OGDH: variants seen among roughly 807,000 people sequenced by gnomAD.
OGDH encodes oxoglutarate dehydrogenase, also known as 2-oxoglutarate dehydrogenase complex component E1.
Under a neutral mutation model 116.6 loss-of-function variants are expected in OGDH, and 38 were observed. The observed-to-expected ratio is 0.33, with a 90% CI of 0.25 to 0.43. The LOEUF is 0.43. Ranked by LOEUF, OGDH falls within the 20% of genes least tolerant of loss-of-function variation. The pLI is 1.00. For missense variants in OGDH, 825 were observed against 1,357.2 expected, an observed-to-expected ratio of 0.61 and a Z score of 6.16; for synonymous variants, 488 against 533.3, an observed-to-expected ratio of 0.92 and a Z score of 1.17.
chr7:44,694,717 T>C lies in OGDH; in HGVS notation c.1668+141T>C. On this transcript the variant is annotated intron_variant, in intron 12 of 22. Coordinates refer to ENST00000222673, the MANE Select transcript of OGDH (RefSeq NM_002541.4). This position sits in a 1 kb window ranked among gnomAD's most constrained non-coding sequence, Gnocchi z 4.2. Reference sequence around the variant, plus strand: ...TGTGAAATATTTACAACTACAGCATTTCAATGCATAACTTTTTGGAGAATC... The same window carrying C: ...TGTGAAATATTTACAACTACAGCATCTCAATGCATAACTTTTTGGAGAATC... 1.1e-6 allele frequency: 1 copy of C among 934,902 alleles called. No homozygotes were observed. Among genetic ancestry groups the C allele is most frequent in the South Asian group, 1.7e-5 (1 of 58,926 alleles). The allele number at this position is 934,902 out of a possible 1,614,324, so 57.9% of individuals were successfully genotyped here.
chr7:44,700,864 A>C (rs1301664387), intron 19 of OGDH, among the ~76,000 whole-genome samples: 1 of 152,100 alleles, frequency 6.6e-6, no homozygotes, highest in African/African-American at 2.4e-5. Flanking sequence ...AAATACAAAA[A>C]AATTAGCCGG....
At chr7:44,657,753 T>C (rs1436504942) in intron 4 of OGDH, among the ~76,000 whole-genome samples, 1 of 152,244 alleles carries the variant, frequency 6.6e-6, no homozygotes, top group African/African-American at 2.4e-5. Flanking sequence ...CTAAAGGTTT[T>C]ATAGTTTTGT....
intron 20 of OGDH, among the ~76,000 whole-genome samples, chr7:44,703,313 CAGG>C (rs776176142): frequency 1.2e-4 from 19 of 152,144 alleles, no homozygotes; most frequent in Admixed American, 3.3e-4. Flanking sequence ...GAGGCTAAGG[CAGG>C]AGAATTGCTT....
intron 14 of OGDH, 109 bp from the exon 15 acceptor site, chr7:44,696,805 A>G: frequency 7.2e-7 from 1 of 1,385,632 alleles, no homozygotes. Context: ...TCAGGAACCC[A>G]GAAACTACGA....
intron 4 of OGDH, among the ~76,000 whole-genome samples, chr7:44,665,072 T>A (rs1787122901): frequency 2.6e-5 from 4 of 152,120 alleles, no homozygotes; most frequent in African/African-American, 9.7e-5. Context: ...CTGGCCTGAG[T>A]TTTTTAGTCA....
intron 1 of OGDH, among the ~76,000 whole-genome samples, chr7:44,613,994 C>T (rs6967052): frequency 0.1 from 15,836 of 151,142 alleles, 1,618 homozygotes; most frequent in East Asian, 0.44. Context: ...TTAGTTGAGA[C>T]GGGGTTTCTC....
At chr7:44,667,967 G>A (rs1040605588) in intron 5 of OGDH, among the ~76,000 whole-genome samples, 8 of 152,128 alleles carry the variant, frequency 5.3e-5, no homozygotes, top group Non-Finnish European at 1.2e-4. Context: ...TTCCTCTCAT[G>A]GCTGGACATT....
chr7:44,705,928 AC>A (rs2116430623), intron 20 of OGDH, among the ~76,000 whole-genome samples: 1 of 152,242 alleles, frequency 6.6e-6, no homozygotes, highest in South Asian at 2.1e-4. Context: ...GTATGTTTGT[AC>A]CATTCAACCC....
Position 44,694,638 on chromosome 7 carries a change from G to A in OGDH, c.1668+62G>A, listed in dbSNP as rs1788501246. On this transcript the variant is annotated intron_variant, in intron 12 of 22. Transcript: ENST00000222673. This position sits in a 1 kb window ranked among gnomAD's most constrained non-coding sequence, Gnocchi z 4.2. ...AGGGCTGGCGATGACTAGAAAAGGT[G>A]GGCCACAGGGCCAGTTCTCACTTTT... The A allele has an allele frequency of 6.3e-7, 1 of 1,583,578 alleles. No homozygotes were observed.
At chr7:44,696,378 C>A in intron 13 of OGDH, 51 bp from the exon 14 acceptor site, 1 of 1,586,396 alleles carries the variant, frequency 6.3e-7, no homozygotes, top group South Asian at 1.2e-5. Flanking sequence ...ATTTTGTGGT[C>A]CCTGGAAAAG....
rs755554782 is a variant in OGDH at position 44,696,959 on chromosome 7, G to A, written c.1946G>A (p.Arg649Gln). The A allele has an allele frequency of 1.4e-5, 22 of 1,614,046 alleles. No homozygotes were observed. Among genetic ancestry groups the A allele is most frequent in the South Asian group, 5.5e-5 (5 of 91,074 alleles). ...LKTRGEMVKNRTVDWALAEYM... is the reference protein window; with the variant it reads ...LKTRGEMVKNQTVDWALAEYM... ...ACTCGTGGGGAAATGGTGAAGAACCGGACTGTGGACTGGGCTCTAGCGGAG... is the reference window on the plus strand; with the variant it reads ...ACTCGTGGGGAAATGGTGAAGAACCAGACTGTGGACTGGGCTCTAGCGGAG... The change falls in exon 15 of 23, where the codon CGG becomes CAG. Residue 649 changes from arginine (R) to glutamine (Q), a missense_variant. Arg to Gln is a conservative substitution (Grantham distance 43). Coordinates refer to ENST00000222673, the MANE Select transcript of OGDH (RefSeq NM_002541.4).
At chr7:44,655,726 A>G (rs567007827) in intron 4 of OGDH, among the ~76,000 whole-genome samples, 2 of 152,328 alleles carry the variant, frequency 1.3e-5, no homozygotes, top group African/African-American at 4.8e-5. Context: ...TTACAGGTAG[A>G]AGGAAGTGTA....
At chr7:44,640,895 GTTT>G (rs555010115) in intron 2 of OGDH, among the ~76,000 whole-genome samples, 3 of 143,358 alleles carry the variant, frequency 2.1e-5, no homozygotes, top group Non-Finnish European at 4.6e-5. Context: ...TTTTTTGTGG[GTTT>G]TTTTTTTTTT....
At chr7:44,649,051 T>C (rs537692299) in intron 4 of OGDH, among the ~76,000 whole-genome samples, 23 of 152,022 alleles carry the variant, frequency 1.5e-4, no homozygotes, top group African/African-American at 5.5e-4. Flanking sequence ...CCTGTGCCTC[T>C]CCAGCCCCCA....
At position 44,663,736 on chromosome 7, in the gene OGDH, G is replaced by A. The variant is rs1438277553; in HGVS notation, c.518-3000G>A. Among the ~76,000 whole-genome samples, 6 of 151,984 alleles carry A rather than the reference G, an allele frequency of 3.9e-5. No homozygotes were observed. In the East Asian group the frequency reaches 9.6e-4, roughly 24 times the overall value. On this transcript the variant is annotated intron_variant, in intron 4 of 22. Coordinates refer to ENST00000222673, the MANE Select transcript of OGDH (RefSeq NM_002541.4). ...TTGCAGTGAGCTGAGATGGTGCCAC[G>A]GCACTCTAGCCTGGGCAACAGAGCG...
intron 2 of OGDH, among the ~76,000 whole-genome samples, chr7:44,633,494 T>C (rs1785536064): frequency 6.6e-6 from 1 of 152,162 alleles, no homozygotes. Context: ...GAAGTCATCA[T>C]GTTATTAAAA....
chr7:44,687,591 G>A (rs907118759), intron 10 of OGDH, among the ~76,000 whole-genome samples: 1 of 150,638 alleles, frequency 6.6e-6, no homozygotes, highest in Admixed American at 6.6e-5. Flanking sequence ...AATTTTTATG[G>A]TTTTTTTTGT....
chr7:44,675,149 T>C, intron 7 of OGDH, 29 bp from the exon 8 acceptor site: 1 of 1,594,028 alleles, frequency 6.3e-7, no homozygotes, highest in Non-Finnish European at 8.6e-7. Flanking sequence ...CCTCAGGCTC[T>C]GCTCACCCTA....
At chr7:44,616,797 G>GTATA (rs1233680845) in intron 1 of OGDH, among the ~76,000 whole-genome samples, 1 of 90,610 alleles carries the variant, frequency 1.1e-5, no homozygotes, top group Admixed American at 1.1e-4. Flanking sequence ...ATATATATGT[G>GTATA]TATATATATG....
Sources: gnomAD v4.1 joint callset for allele counts (sites outside exome capture counted in the v4.1 genomes callset) on GRCh38, gnomAD v4.1.1 for gene constraint, Gnocchi (gnomAD v3.1) non-coding constraint, MANE v1.5 for transcripts, NCBI Gene and HGNC (gene_info 2026-07-23, HGNC 2026-07-21) for gene names.